MYO1D: variants seen among roughly 807,000 people sequenced by gnomAD.
MYO1D encodes the protein unconventional myosin-Id.
A neutral mutation model predicts 122.0 loss-of-function variants in MYO1D; 83 were observed. That is an observed-to-expected ratio of 0.68 (90% CI 0.57 to 0.82). The LOEUF (loss-of-function observed/expected upper bound fraction) is 0.82. Among genes scored for constraint, MYO1D ranks in the 40% least tolerant of loss-of-function variants. The pLI is 0.00. For missense variants in MYO1D, 1,157 were observed against 1,269.5 expected (o/e 0.91, Z 1.35); for synonymous variants, 464 against 446.9 (o/e 1.04, Z -0.48).
Position 32,668,783 on chromosome 17 carries a change from G to T in MYO1D, c.2122-9445C>A, listed in dbSNP as rs573266607. 1.9e-3 allele frequency among the ~76,000 whole-genome samples: 291 copies of T among 151,258 alleles called. 1 individual carries two copies. The highest frequency in any genetic ancestry group is 4.0e-3 in the South Asian group (19 of 4,782). On this transcript the variant is annotated intron_variant, in intron 16 of 21. Transcript: ENST00000318217. ...GTGGCGTGATCTCGGCTCACTGCAA[G>T]CTCCGCCTCCCAGGTTCATGCCATT...
At chr17:32,644,669 T>G (rs1284067575) in intron 19 of MYO1D, among the ~76,000 whole-genome samples, 1 of 152,242 alleles carries the variant, frequency 6.6e-6, no homozygotes, top group African/African-American at 2.4e-5. Context: ...CATTATGTAG[T>G]GGCCTTCTTT....
intron 14 of MYO1D, among the ~76,000 whole-genome samples, chr17:32,729,315 C>A (rs2089610404): frequency 6.6e-6 from 1 of 152,152 alleles, no homozygotes; most frequent in South Asian, 2.1e-4. Context: ...TAATAATTTA[C>A]TGACAATCTG....
At chr17:32,740,684 A>C (rs940807034) in intron 13 of MYO1D, among the ~76,000 whole-genome samples, 5 of 152,262 alleles carry the variant, frequency 3.3e-5, no homozygotes, top group African/African-American at 9.6e-5. Context: ...TATGTTGTCC[A>C]GGCTGGTCTC....
At chr17:32,713,004 T>C (rs982466806) in intron 15 of MYO1D, among the ~76,000 whole-genome samples, 1 of 152,214 alleles carries the variant, frequency 6.6e-6, no homozygotes, top group Non-Finnish European at 1.5e-5. Context: ...GTAGAGGGCA[T>C]CTTAGAAGGC....
intron 1 of MYO1D, among the ~76,000 whole-genome samples, chr17:32,859,570 G>C (rs2091053147): frequency 6.6e-6 from 1 of 152,318 alleles, no homozygotes; most frequent in African/African-American, 2.4e-5. Context: ...AAAAGGAGCA[G>C]AAAGATAAAT....
chr17:32,861,371 T>G (rs996062380), intron 1 of MYO1D, among the ~76,000 whole-genome samples: 4 of 152,036 alleles, frequency 2.6e-5, no homozygotes, highest in Admixed American at 2.0e-4. Flanking sequence ...TGGCCTGTAT[T>G]TATTCTTAGC....
intron 20 of MYO1D, among the ~76,000 whole-genome samples, chr17:32,611,855 C>T (rs949739512): frequency 3.3e-5 from 5 of 152,128 alleles, no homozygotes; most frequent in African/African-American, 1.2e-4. Context: ...AAAAAGAAAA[C>T]TCTATTAATT....
chr17:32,659,378 G>A (rs368852206), intron 16 of MYO1D, 40 bp from the exon 17 acceptor site: 15 of 1,594,670 alleles, frequency 9.4e-6, no homozygotes, highest in African/African-American at 6.7e-5. Flanking sequence ...GTTATTGACC[G>A]GCTGAGTTGT....
intron 13 of MYO1D, among the ~76,000 whole-genome samples, chr17:32,738,689 A>G (rs765246192): frequency 6.6e-6 from 1 of 152,232 alleles, no homozygotes. Flanking sequence ...TGGCTCTTAC[A>G]ATACATATAT....
chr17:32,812,824 AAAT>A (rs375709329), intron 1 of MYO1D, among the ~76,000 whole-genome samples: 286 of 152,322 alleles, frequency 1.9e-3, no homozygotes, highest in African/African-American at 6.4e-3. Context: ...ACAAATAGGA[AAAT>A]AATATTTATT....
intron 16 of MYO1D, among the ~76,000 whole-genome samples, chr17:32,680,728 T>C (rs1230027128): frequency 6.6e-6 from 1 of 152,122 alleles, no homozygotes; most frequent in Non-Finnish European, 1.5e-5. Flanking sequence ...TTCTCTTTTT[T>C]GGTTGTGTCT....
chr17:32,594,865 T>C lies in MYO1D; in HGVS notation c.2864+10222A>G, dbSNP rs1364362144. 2.6e-5 allele frequency among the ~76,000 whole-genome samples: 4 copies of C among 152,318 alleles called. No individual in the cohort carries two copies. In the East Asian group the frequency reaches 7.7e-4, roughly 29 times the overall value. ...CTTCTACTTATTATGAAACTGCTGA[T>C]CTGAGTAGGAATTCCTACATCCTGC... On this transcript the variant is annotated intron_variant, in intron 21 of 21. Coordinates refer to ENST00000318217, the MANE Select transcript of MYO1D (RefSeq NM_015194.3).
At chr17:32,691,401 ATTCTTTTT>A (rs2089097370) in intron 16 of MYO1D, among the ~76,000 whole-genome samples, 1 of 143,542 alleles carries the variant, frequency 7.0e-6, no homozygotes, top group African/African-American at 2.7e-5. Context: ...TGCAAAGAAA[ATTCTTTTT>A]TTTTTTTTTT....
intron 1 of MYO1D, among the ~76,000 whole-genome samples, chr17:32,870,057 C>G (rs1223241933): frequency 6.6e-6 from 1 of 152,126 alleles, no homozygotes; most frequent in Non-Finnish European, 1.5e-5. Flanking sequence ...GCAGAAGTCT[C>G]CAGGGTCAAG....
rs115138742 is a variant in MYO1D at position 32,574,319 on chromosome 17, A to G, written c.2864+30768T>C. ...CACAGTTGTATCACTACTAGCAAAG[A>G]CTATCCAGATTGATGCACCCAAGAT... On this transcript the variant is annotated intron_variant, in intron 21 of 21. Coordinates refer to ENST00000318217, the MANE Select transcript of MYO1D (RefSeq NM_015194.3). 4.5e-3 allele frequency among the ~76,000 whole-genome samples: 679 copies of G among 152,092 alleles called. 5 individuals are homozygous for G. Among genetic ancestry groups the G allele is most frequent in the African/African-American group, 0.016 (652 of 41,472 alleles).
chr17:32,873,461 A>G (rs1244466100), intron 1 of MYO1D, among the ~76,000 whole-genome samples: 3 of 152,150 alleles, frequency 2.0e-5, no homozygotes, highest in African/African-American at 7.2e-5. Flanking sequence ...CATATATACC[A>G]ATGGACCAAA....
At chr17:32,720,314 G>A (rs376769829) in intron 15 of MYO1D, among the ~76,000 whole-genome samples, 15 of 151,932 alleles carry the variant, frequency 9.9e-5, no homozygotes, top group East Asian at 3.8e-4. Flanking sequence ...ATTACTTTAC[G>A]GAGGTACTAC....
intron 17 of MYO1D, among the ~76,000 whole-genome samples, chr17:32,657,989 G>A (rs2543971): frequency 0.67 from 102,219 of 151,942 alleles, 34,621 homozygotes; most frequent in Middle Eastern, 0.78. Flanking sequence ...TGTAAAAAAG[G>A]GGAAAAAAAT....
At chr17:32,800,271 G>C (rs1455625358) in intron 1 of MYO1D, among the ~76,000 whole-genome samples, 1 of 152,092 alleles carries the variant, frequency 6.6e-6, no homozygotes, top group Non-Finnish European at 1.5e-5. Flanking sequence ...CAATAGCCAA[G>C]ATATAGAAAC....
Sources: gnomAD v4.1 joint callset for allele counts (sites outside exome capture counted in the v4.1 genomes callset) on GRCh38, gnomAD v4.1.1 for gene constraint, MANE v1.5 for transcripts, NCBI Gene and HGNC (gene_info 2026-07-23, HGNC 2026-07-21) for gene names.